FER1L5: variants seen among roughly 807,000 people sequenced by gnomAD.
FER1L5 encodes the protein fer-1 like family member 5, also known as fer-1-like protein 5.
A neutral mutation model predicts 279.9 loss-of-function variants in FER1L5; 187 were observed. The ratio of observed to expected loss-of-function variants is 0.67; its 90% confidence interval spans 0.59 to 0.75. FER1L5 has a LOEUF of 0.75. FER1L5 is among the 30% of genes least tolerant of loss of function. The probability of loss-of-function intolerance (pLI) is 0.00; values close to 1 mark genes in which losing one functional copy is unlikely to be tolerated. For missense variants in FER1L5, 2,091 were observed against 2,594.4 expected, an observed-to-expected ratio of 0.81 and a Z score of 4.21; for synonymous variants, 921 against 989.7, an observed-to-expected ratio of 0.93 and a Z score of 1.30.
chr2:96,700,390 C>A lies in FER1L5; in HGVS notation c.4989C>A (p.Tyr1663Ter). The stretch of plus-strand genomic sequence containing the variant: ...CCAAGAAGGAACGCCTTGCACTGTA[C>A]CTCCTGCACACCCAGGGGCTGGTAC... ...LGPKKERLAL[Y>*]LLHTQGLVPE... Residue 1663 changes from tyrosine (Y) to a stop codon, truncating the protein, a stop_gained, in exon 45 of 53, where the codon TAC becomes TAA. Transcript: ENST00000624922. LOFTEE classifies it high-confidence loss of function. 6.2e-7 allele frequency: 1 copy of A among 1,613,882 alleles called. No individual in the cohort carries two copies. The highest frequency in any genetic ancestry group is 8.5e-7 in the Non-Finnish European group (1 of 1,179,898).
At chr2:96,699,483 C>A in intron 42 of FER1L5, 67 bp from the exon 43 acceptor site, 1 of 1,534,330 alleles carries the variant, frequency 6.5e-7, no homozygotes, top group Non-Finnish European at 8.9e-7. Flanking sequence ...GGCCGAGACA[C>A]CGGTGAGGGA....
chr2:96,694,123 C>T lies in FER1L5; in HGVS notation c.3636+51C>T. 1 of 1,496,706 alleles carries T rather than the reference C, an allele frequency of 6.7e-7. No homozygotes were observed. The allele number at this position is 1,496,706 out of a possible 1,614,324, so 92.7% of individuals were successfully genotyped here. On this transcript the variant is annotated intron_variant, in intron 33 of 52. Transcript: ENST00000624922. The surrounding 1 kb of genome is among the most constrained non-coding windows in gnomAD (Gnocchi z 4.6). ...GAAGTGTGGCACTCAGTGCCCCTCC[C>T]CGTCCCACCCCCAGCCAGCGGGGGC...
intron 19 of FER1L5, among the ~76,000 whole-genome samples, chr2:96,682,382 G>A (rs771011830): frequency 6.6e-6 from 1 of 152,226 alleles, no homozygotes; most frequent in Non-Finnish European, 1.5e-5. Context: ...GTGAGCCACC[G>A]CACCCGGCCA....
intron 42 of FER1L5, 80 bp from the exon 43 acceptor site, chr2:96,699,470 C>T (rs766960814): frequency 3.9e-5 from 57 of 1,478,464 alleles, no homozygotes; most frequent in African/African-American, 1.3e-4. Flanking sequence ...AAGGGGCCTA[C>T]GGGGCCGAGA....
At position 96,702,938 on chromosome 2, in the gene FER1L5, G is replaced by C. The variant is rs2077644914; in HGVS notation, c.5398-40G>C. ...CTGAGGGGTGCAAGGGAAACGTCCAGGAGACAGGCCGGTAACACGCCCTTC... is the reference window on the plus strand; with the variant it reads ...CTGAGGGGTGCAAGGGAAACGTCCACGAGACAGGCCGGTAACACGCCCTTC... On this transcript the variant is annotated intron_variant, in intron 48 of 52. Coordinates refer to ENST00000624922, the MANE Select transcript of FER1L5 (RefSeq NM_001293083.2). This position sits in a 1 kb window ranked among gnomAD's most constrained non-coding sequence, Gnocchi z 4.0. 1 of 1,583,688 alleles carries C rather than the reference G, an allele frequency of 6.3e-7. No homozygotes were observed. The highest frequency in any genetic ancestry group is 8.6e-7 in the Non-Finnish European group (1 of 1,164,092).
chr2:96,649,756 C>A, intron 5 of FER1L5, 79 bp downstream of exon 5: 1 of 1,414,350 alleles, frequency 7.1e-7, no homozygotes, highest in Non-Finnish European at 9.7e-7. Flanking sequence ...TCTTGGGGAC[C>A]TTCAAAACCC....
At chr2:96,667,508 C>T (rs1212508174) in intron 14 of FER1L5, among the ~76,000 whole-genome samples, 16 of 152,100 alleles carry the variant, frequency 1.1e-4, no homozygotes, top group African/African-American at 3.4e-4. Flanking sequence ...CCACCACACC[C>T]GGCTAATTTT....
intron 14 of FER1L5, among the ~76,000 whole-genome samples, chr2:96,665,042 C>T (rs1180682776): frequency 2.6e-5 from 4 of 152,138 alleles, no homozygotes; most frequent in Admixed American, 6.5e-5. Flanking sequence ...TTCAATCTGT[C>T]TCCGTCACCT....
rs574330650 is a variant in FER1L5 at position 96,684,052 on chromosome 2, G to A, written c.1670-275G>A. 1.5e-4 allele frequency among the ~76,000 whole-genome samples: 23 copies of A among 152,322 alleles called. No homozygotes were observed. The East Asian group carries it at 4.2e-3, about 28-fold the overall frequency. On this transcript the variant is annotated intron_variant, in intron 19 of 52. Coordinates refer to ENST00000624922, the MANE Select transcript of FER1L5 (RefSeq NM_001293083.2). ...TGACCGCCTGGCTATGCCACCTCAG[G>A]GAAACTGCTTCCCATTGCTAGCCTG...
Position 96,661,720 on chromosome 2 carries a change from A to C in FER1L5, c.947A>C (p.Lys316Thr). The C allele has an allele frequency of 6.4e-7, 1 of 1,551,716 alleles. No individual in the cohort carries two copies. The highest frequency in any genetic ancestry group is 8.7e-7 in the Non-Finnish European group (1 of 1,146,998). ...GATGACACCGATATTCAGATCTTCA[A>C]GTCAGCGGTAGTCCCGATCAACATG... Reference protein sequence around the residue: ...GTDDTDIQIFKSAVVPINMAY... With the variant: ...GTDDTDIQIFTSAVVPINMAY... Residue 316 changes from lysine (K) to threonine (T), a missense_variant, in exon 12 of 53, where the codon AAG becomes ACG. Lys to Thr is a moderately conservative substitution (Grantham distance 78). Transcript: ENST00000624922.
At chr2:96,688,304 C>T (rs189935466) in intron 24 of FER1L5, among the ~76,000 whole-genome samples, 2 of 152,180 alleles carry the variant, frequency 1.3e-5, no homozygotes, top group African/African-American at 4.8e-5. Flanking sequence ...ATCAACAGCA[C>T]GTGAAGTGAG....
At position 96,661,727 on chromosome 2, in the gene FER1L5, G is replaced by A. The variant is rs761428331; in HGVS notation, c.954G>A (p.Ala318=). Residue 318 remains alanine, a synonymous_variant, in exon 12 of 53, where the codon GCG becomes GCA. Coordinates refer to ENST00000624922, the MANE Select transcript of FER1L5 (RefSeq NM_001293083.2). ...CCGATATTCAGATCTTCAAGTCAGC[G>A]GTAGTCCCGATCAACATGGCTTACT... ...DDTDIQIFKS[A]VVPINMAYLQ... is the part of the protein sequence containing the mutation. 3.4e-5 allele frequency: 52 copies of A among 1,551,534 alleles called. No homozygotes were observed. Among genetic ancestry groups the A allele is most frequent in the Admixed American group, 2.0e-4 (10 of 50,974 alleles).
intron 17 of FER1L5, among the ~76,000 whole-genome samples, 200 bp downstream of exon 17, chr2:96,669,337 C>T (rs1382901919): frequency 6.6e-6 from 1 of 152,150 alleles, no homozygotes; most frequent in Non-Finnish European, 1.5e-5. Context: ...AGCGGAAGCT[C>T]TGGGCTTTCC....
At chr2:96,649,511 C>G in intron 4 of FER1L5, 112 bp from the exon 5 acceptor site, 1 of 959,638 alleles carries the variant, frequency 1.0e-6, no homozygotes, top group South Asian at 1.5e-5. Flanking sequence ...ACTAGCATCA[C>G]GGCCCCCACC....
chr2:96,642,841 T>G lies in FER1L5; in HGVS notation c.5T>G (p.Leu2Arg). Residue 2 changes from leucine to arginine, a missense_variant, in exon 1 of 53, where the codon CTG becomes CGG. Coordinates refer to ENST00000624922, the MANE Select transcript of FER1L5 (RefSeq NM_001293083.2). M[L>R]RLVVQSAKID... ...GGAAGAAAGTAGGTCTCCGAGATGC[T>G]GCGGCTTGTGGTGCAGTCGGCCAAG... 6.4e-7 allele frequency: 1 copy of G among 1,550,688 alleles called. No homozygotes were observed. Among genetic ancestry groups the G allele is most frequent in the South Asian group, 1.2e-5 (1 of 83,912 alleles).
At position 96,693,545 on chromosome 2, in the gene FER1L5, G is replaced by A; in HGVS notation, c.3332G>A (p.Cys1111Tyr). The change falls in exon 32 of 53, where the codon TGC becomes TAC. Residue 1111 changes from cysteine (C) to tyrosine (Y), a missense_variant. Cys to Tyr is a radical substitution (Grantham distance 194). Coordinates refer to ENST00000624922, the MANE Select transcript of FER1L5 (RefSeq NM_001293083.2). ...IRVVFLNHSQ[C>Y]TQTLRSSAGP... is the part of the protein sequence containing the mutation. Reference sequence around the variant, plus strand: ...GTGGTCTTCCTGAACCACAGCCAGTGCACCCAAACCCTGAGGAGCTCTGCA... The same window carrying A: ...GTGGTCTTCCTGAACCACAGCCAGTACACCCAAACCCTGAGGAGCTCTGCA... The A allele has an allele frequency of 6.4e-7, 1 of 1,551,404 alleles. No individual in the cohort carries two copies. The highest frequency in any genetic ancestry group is 8.7e-7 in the Non-Finnish European group (1 of 1,146,906).
chr2:96,653,701 A>G lies in FER1L5; in HGVS notation c.695A>G (p.Gln232Arg), dbSNP rs2075477303. The part of the protein sequence containing the change: ...AKFFDETILI[Q>R]VVNSSAMRYK... ...TTCTTTGATGAGACCATCTTAATCC[A>G]GGTGAGGAGCCAAACTGGTCCCCAG... The change falls in exon 8 of 53, where the codon CAG becomes CGG. Residue 232 changes from glutamine to arginine, a missense_variant and splice_region_variant. Gln to Arg is a conservative substitution (Grantham distance 43). Coordinates refer to ENST00000624922, the MANE Select transcript of FER1L5 (RefSeq NM_001293083.2). 6.4e-7 allele frequency: 1 copy of G among 1,550,652 alleles called. No homozygotes were observed. The highest frequency in any genetic ancestry group is 1.4e-5 in the African/African-American group (1 of 73,010).
intron 9 of FER1L5, among the ~76,000 whole-genome samples, chr2:96,659,426 T>TTTCTTTCTTTCTTTCTTTC (rs2075822726): frequency 7.5e-5 from 1 of 13,384 alleles, no homozygotes; most frequent in Non-Finnish European, 1.3e-4. Context: ...TCTTTCTTTC[T>TTTCTTTCTTTCTTTCTTTC]TTCTTTCTTT....
At chr2:96,646,507 G>C in intron 2 of FER1L5, 54 bp downstream of exon 2, 1 of 1,529,154 alleles carries the variant, frequency 6.5e-7, no homozygotes, top group Non-Finnish European at 8.9e-7. Flanking sequence ...CAGCAAGGGG[G>C]CAAGGGTGGG....
Sources: gnomAD v4.1 joint callset for allele counts (sites outside exome capture counted in the v4.1 genomes callset) on GRCh38, gnomAD v4.1.1 for gene constraint, Gnocchi (gnomAD v3.1) non-coding constraint, MANE v1.5 for transcripts, NCBI Gene and HGNC (gene_info 2026-07-23, HGNC 2026-07-21) for gene names.